MAPK14: variants seen among roughly 807,000 people sequenced by gnomAD.
MAPK14 encodes mitogen-activated protein kinase 14, also known as CSAID-binding protein.
MAPK14 carries 16 observed loss-of-function variants against 49.6 expected under a neutral mutation model. The ratio of observed to expected loss-of-function variants is 0.32; its 90% CI spans 0.22 to 0.49. MAPK14 has a LOEUF of 0.49. Among genes scored for constraint, MAPK14 ranks in the 20% least tolerant of loss-of-function variants. The pLI is 0.99. For missense variants in MAPK14, 200 were observed against 441.2 expected (o/e 0.45, Z 4.90); for synonymous variants, 142 against 158.0 (o/e 0.90, Z 0.76).
At chr6:36,083,291 T>G (rs1415948714) in intron 8 of MAPK14, among the ~76,000 whole-genome samples, 3 of 152,198 alleles carry the variant, frequency 2.0e-5, no homozygotes, top group Non-Finnish European at 4.4e-5. Context: ...GAGTGATTGT[T>G]CTACCCTGTC....
In MAPK14 at chr6:36,027,825, C is replaced by T. The variant is rs1323915564; in HGVS notation, c.-333C>T. The T allele has an allele frequency of 5.0e-6, 2 of 400,752 alleles. No homozygotes were observed. The highest frequency in any genetic ancestry group is 7.1e-5 in the East Asian group (2 of 28,056). 24.8% of individuals were successfully genotyped at this position (400,752 alleles called of 1,614,324 possible). On this transcript the variant is annotated 5_prime_UTR_variant, in exon 1 of 12. Coordinates refer to ENST00000229794, the MANE Select transcript of MAPK14 (RefSeq NM_139012.3). ...CCGCGACCACTGGAGCCTTAGCGGG[C>T]GCAGCAGCTGGAACGGGAGTACTGC...
intron 8 of MAPK14, among the ~76,000 whole-genome samples, chr6:36,094,267 G>A (rs578241895): frequency 6.6e-6 from 1 of 152,298 alleles, no homozygotes; most frequent in African/African-American, 2.4e-5. Context: ...GCTTGCTAAA[G>A]AACACAAGTT....
intron 1 of MAPK14, among the ~76,000 whole-genome samples, chr6:36,041,397 T>C (rs1326104317): frequency 6.6e-6 from 1 of 152,212 alleles, no homozygotes; most frequent in Non-Finnish European, 1.5e-5. Context: ...TTGAATTCAT[T>C]ATCTGATAGT....
chr6:36,043,181 A>G (rs16883989), intron 1 of MAPK14, among the ~76,000 whole-genome samples: 21,762 of 152,102 alleles, frequency 0.14, 1,933 homozygotes, highest in African/African-American at 0.26. Context: ...ATATGTAATT[A>G]CAGTGGTGAA....
At chr6:36,117,085 TC>T in the MAPK14 span, among the ~76,000 whole-genome samples, 3 of 151,846 alleles carry the variant, frequency 2.0e-5, no homozygotes, top group Non-Finnish European at 2.9e-5. Context: ...TGGGGAGGAG[TC>T]CCTGGCAGCC....
chr6:36,114,348 G>A (rs1766023724), downstream of MAPK14, among the ~76,000 whole-genome samples: 1 of 151,536 alleles, frequency 6.6e-6, no homozygotes. Flanking sequence ...CGGGCACGGT[G>A]GCTCATGCCT....
At position 36,110,653 on chromosome 6, in the gene MAPK14, G is replaced by A. The variant is rs1349173625; in HGVS notation, c.*2206G>A. On this transcript the variant is annotated 3_prime_UTR_variant, in exon 12 of 12. Coordinates refer to ENST00000229794, the MANE Select transcript of MAPK14 (RefSeq NM_139012.3). Reference sequence around the variant, plus strand: ...AACAGAAAACAAAAGAGAGAATGAGGGAAATTGCTATTTTATTTGTATTCA... The same window carrying A: ...AACAGAAAACAAAAGAGAGAATGAGAGAAATTGCTATTTTATTTGTATTCA... 6.6e-6 allele frequency: 1 copy of A among 152,546 alleles called. No individual in the cohort carries two copies. Among genetic ancestry groups the A allele is most frequent in the Non-Finnish European group, 1.5e-5 (1 of 68,050 alleles). The allele number at this position is 152,546 out of a possible 1,614,324, so 9.4% of individuals were successfully genotyped here. A position where few individuals can be genotyped will look rare whatever the true frequency, so the allele number is the denominator to read the frequency against.
At chr6:36,056,160 C>T (rs1441209622) in intron 2 of MAPK14, among the ~76,000 whole-genome samples, 1 of 151,962 alleles carries the variant, frequency 6.6e-6, no homozygotes, top group Admixed American at 6.6e-5. Context: ...CTTTATGTCT[C>T]ATATTCTGTT....
chr6:36,033,320 CTT>C (rs67009009), intron 1 of MAPK14, among the ~76,000 whole-genome samples: 6 of 146,094 alleles, frequency 4.1e-5, no homozygotes, highest in Non-Finnish European at 6.0e-5. Context: ...CATTTTTCCA[CTT>C]TTTTTTTTTT....
At chr6:36,062,196 C>T (rs900486496) in intron 3 of MAPK14, among the ~76,000 whole-genome samples, 39 of 152,186 alleles carry the variant, frequency 2.6e-4, no homozygotes, top group African/African-American at 7.5e-4. Context: ...AGGCTGGTCT[C>T]GAACTCCTGA....
chr6:36,032,220 T>C (rs545665883), intron 1 of MAPK14, among the ~76,000 whole-genome samples: 33 of 152,328 alleles, frequency 2.2e-4, no homozygotes, highest in African/African-American at 7.7e-4. Flanking sequence ...CAAATTATTT[T>C]AAGCCTATAT....
At chr6:36,059,246 G>A (rs1763707732) in intron 2 of MAPK14, 43 bp from the exon 3 acceptor site, 1 of 1,272,460 alleles carries the variant, frequency 7.9e-7, no homozygotes, top group Admixed American at 1.7e-5. Context: ...ACTATACTGA[G>A]TTTAATATTT....
intron 3 of MAPK14, among the ~76,000 whole-genome samples, chr6:36,066,143 C>T (rs73407876): frequency 0.16 from 24,409 of 151,910 alleles, 2,682 homozygotes; most frequent in African/African-American, 0.32. Context: ...TCCTGTGAAA[C>T]AGATGGTATT....
chr6:36,069,901 TA>T, intron 3 of MAPK14, among the ~76,000 whole-genome samples: 2 of 152,340 alleles, frequency 1.3e-5, no homozygotes, highest in South Asian at 4.1e-4. Context: ...TATTTAAAAA[TA>T]AGTTATGTTT....
At chr6:36,119,628 C>T in the MAPK14 span, among the ~76,000 whole-genome samples, 1 of 152,134 alleles carries the variant, frequency 6.6e-6, no homozygotes, top group Non-Finnish European at 1.5e-5. Context: ...CACCCCAGAC[C>T]CCTGATTTTG....
chr6:36,117,368 C>T, the MAPK14 span, among the ~76,000 whole-genome samples: 1 of 152,250 alleles, frequency 6.6e-6, no homozygotes. Context: ...CTCTCCTGGT[C>T]TTTGTGCGTG....
chr6:36,051,272 C>A (rs184723977), intron 1 of MAPK14, among the ~76,000 whole-genome samples: 4 of 151,902 alleles, frequency 2.6e-5, no homozygotes, highest in Non-Finnish European at 5.9e-5. Context: ...CCTGCCACTG[C>A]GCCTAATTTT....
chr6:36,092,201 C>T lies in MAPK14; in HGVS notation c.683-3786C>T, dbSNP rs74526171. 7.4e-3 allele frequency: 4,001 copies of T among 538,610 alleles called. 83 individuals carry two copies. Among genetic ancestry groups the T allele is most frequent in the African/African-American group, 0.046 (2,440 of 52,496 alleles). The allele number at this position is 538,610 out of a possible 1,614,324, so 33.4% of individuals were successfully genotyped here. On this transcript the variant is annotated intron_variant, in intron 8 of 11. Coordinates refer to ENST00000229794, the MANE Select transcript of MAPK14 (RefSeq NM_139012.3). ...GGCCTTACATTTTCTGCGTCATCTCCGTTAATGATTACTGTCACGATGTGT... is the reference window on the plus strand; with the variant it reads ...GGCCTTACATTTTCTGCGTCATCTCTGTTAATGATTACTGTCACGATGTGT...
intron 8 of MAPK14, chr6:36,091,896 T>G (rs1220852949): frequency 6.4e-6 from 1 of 155,978 alleles, no homozygotes; most frequent in Non-Finnish European, 1.4e-5. Context: ...AAAAAGCTAA[T>G]TCAAATCTAC....
Sources: gnomAD v4.1 joint callset for allele counts (sites outside exome capture counted in the v4.1 genomes callset) on GRCh38, gnomAD v4.1.1 for gene constraint, MANE v1.5 for transcripts, NCBI Gene and HGNC (gene_info 2026-07-23, HGNC 2026-07-21) for gene names.